Variants in PLD5 observed in about 807,000 individuals in gnomAD.
The protein encoded by PLD5 is phospholipase D family member 5, also known as inactive phospholipase D5.
PLD5 carries 36 observed loss-of-function variants against 61.1 expected under a neutral mutation model. The observed-to-expected ratio is 0.59, with a 90% CI of 0.45 to 0.78. The LOEUF is 0.78. Among genes scored for constraint, PLD5 ranks in the 30% least tolerant of loss-of-function variants. The pLI is 0.00. For missense variants in PLD5, 515 were observed against 644.4 expected, an observed-to-expected ratio of 0.80 and a Z score of 2.17; for synonymous variants, 243 against 242.8, an observed-to-expected ratio of 1.00 and a Z score of -0.01.
At chr1:242,487,467 G>T (rs952991451) in intron 1 of PLD5, among the ~76,000 whole-genome samples, 1 of 152,142 alleles carries the variant, frequency 6.6e-6, no homozygotes, top group African/African-American at 2.4e-5. Context: ...AGCAAATCTA[G>T]GTGACCTTGG....
At chr1:242,426,108 CG>C (rs966815009) in intron 1 of PLD5, among the ~76,000 whole-genome samples, 9 of 151,894 alleles carry the variant, frequency 5.9e-5, no homozygotes, top group African/African-American at 2.2e-4. Context: ...ACATTTTAAA[CG>C]TTTTTGTTAA....
rs986872539 is a variant in PLD5 at position 242,368,898 on chromosome 1, C to T, written c.190-20656G>A. ...CTTTTTGTTAGAAAGGAAGTTCTGC[C>T]GAGGACTCTTTTGCCCTCACTATCT... On this transcript the variant is annotated intron_variant, in intron 1 of 9. Transcript: ENST00000536534. 1.1e-4 allele frequency among the ~76,000 whole-genome samples: 17 copies of T among 152,248 alleles called. 1 individual carries two copies. The highest frequency in any genetic ancestry group is 3.8e-4 in the African/African-American group (16 of 41,568).
intron 3 of PLD5, among the ~76,000 whole-genome samples, chr1:242,268,935 T>G (rs1408102879): frequency 6.6e-6 from 1 of 152,114 alleles, no homozygotes; most frequent in African/African-American, 2.4e-5. Flanking sequence ...CTCTGCCTCC[T>G]GGGTTCAAGT....
intron 1 of PLD5, among the ~76,000 whole-genome samples, chr1:242,518,090 G>C (rs1669163620): frequency 6.6e-6 from 1 of 152,132 alleles, no homozygotes; most frequent in East Asian, 1.9e-4. Flanking sequence ...TGATGCCCAG[G>C]CAGGTAGTTC....
intron 1 of PLD5, among the ~76,000 whole-genome samples, chr1:242,503,912 T>A (rs1668638663): frequency 6.6e-6 from 1 of 152,202 alleles, no homozygotes; most frequent in South Asian, 2.1e-4. Context: ...GCTGCTGAAT[T>A]AACAACTCTT....
intron 5 of PLD5, among the ~76,000 whole-genome samples, chr1:242,156,572 G>A (rs928196777): frequency 3.3e-5 from 5 of 152,074 alleles, no homozygotes; most frequent in Admixed American, 6.5e-5. Flanking sequence ...CTCAGCATTT[G>A]CTTGTCTGTA....
rs367561591 is a variant in PLD5, at chr1:242,256,581, A to G, written c.607+8756T>C. ...GTTTGTTCCCTCTGGGGGATGCAGTAACAAGGCGCCATCTTGGAAGCACAG... is the reference window on the plus strand; with the variant it reads ...GTTTGTTCCCTCTGGGGGATGCAGTGACAAGGCGCCATCTTGGAAGCACAG... On this transcript the variant is annotated intron_variant, in intron 4 of 9. Transcript: ENST00000536534. The surrounding 1 kb of genome is among the most constrained non-coding windows in gnomAD (Gnocchi z 5.7). 1.3e-5 allele frequency among the ~76,000 whole-genome samples: 2 copies of G among 152,182 alleles called. No homozygotes were observed. The highest frequency in any genetic ancestry group is 1.9e-4 in the East Asian group (1 of 5,184).
At position 242,410,430 on chromosome 1, in the gene PLD5, T is replaced by C. The variant is rs184335970; in HGVS notation, c.190-62188A>G. ...AATGCCATTTTTTTTTTCCAATCTC[T>C]AGAGATACTGCTTTGAACTTACTCC... On this transcript the variant is annotated intron_variant, in intron 1 of 9. Coordinates refer to ENST00000536534, the MANE Select transcript of PLD5 (RefSeq NM_001372062.1). Among the ~76,000 whole-genome samples the C allele has an allele frequency of 4.3e-3, 652 of 152,112 alleles. 4 individuals carry two copies. The highest frequency in any genetic ancestry group is 0.014 in the African/African-American group (598 of 41,480).
chr1:242,370,247 G>T (rs1661558952), intron 1 of PLD5, among the ~76,000 whole-genome samples: 1 of 152,176 alleles, frequency 6.6e-6, no homozygotes, highest in South Asian at 2.1e-4. Context: ...CTTTCTACAT[G>T]CAGCCACTGG....
chr1:242,223,568 G>A (rs1052330255), intron 4 of PLD5, among the ~76,000 whole-genome samples: 1 of 152,160 alleles, frequency 6.6e-6, no homozygotes, highest in South Asian at 2.1e-4. Context: ...CCCATTTATT[G>A]AATACCTGTG....
At chr1:242,121,691 C>T (rs989746522) in intron 6 of PLD5, among the ~76,000 whole-genome samples, 15 of 151,966 alleles carry the variant, frequency 9.9e-5, no homozygotes, top group Admixed American at 9.2e-4. Context: ...GGAACCAACC[C>T]AAATGTCCAT....
chr1:242,342,223 T>C (rs1345012010), intron 2 of PLD5, among the ~76,000 whole-genome samples: 1 of 152,200 alleles, frequency 6.6e-6, no homozygotes, highest in Admixed American at 6.5e-5. Flanking sequence ...CTAGTGAGTG[T>C]CTAATAGTGT....
chr1:242,524,746 C>G (rs1472590030), upstream of PLD5: 1 of 47,658 alleles, frequency 2.1e-5, no homozygotes, highest in South Asian at 6.5e-4. Flanking sequence ...GGGTGGGGTG[C>G]GGTGGGAGGG....
At chr1:242,142,374 C>T (rs368616852) in intron 5 of PLD5, among the ~76,000 whole-genome samples, 2 of 152,208 alleles carry the variant, frequency 1.3e-5, no homozygotes, top group East Asian at 1.9e-4. Context: ...TGAACCTTCT[C>T]AAATAGTCTA....
intron 4 of PLD5, among the ~76,000 whole-genome samples, chr1:242,251,348 G>A (rs1672689686): frequency 1.3e-5 from 2 of 152,322 alleles, no homozygotes; most frequent in South Asian, 4.1e-4. Flanking sequence ...ATTGGCAAAA[G>A]AGACTGAGAA....
intron 1 of PLD5, among the ~76,000 whole-genome samples, chr1:242,487,534 T>C (rs1483191171): frequency 1.3e-5 from 2 of 152,180 alleles, no homozygotes; most frequent in Non-Finnish European, 2.9e-5. Flanking sequence ...AAAGAAGTAA[T>C]TGATAACTTA....
intron 1 of PLD5, among the ~76,000 whole-genome samples, chr1:242,457,614 G>T (rs1666982635): frequency 6.6e-6 from 1 of 152,130 alleles, no homozygotes; most frequent in Non-Finnish European, 1.5e-5. Flanking sequence ...ACAAGACAGA[G>T]AAATTTGCTG....
intron 1 of PLD5, among the ~76,000 whole-genome samples, chr1:242,452,375 G>T (rs1666813225): frequency 6.6e-6 from 1 of 152,078 alleles, no homozygotes; most frequent in African/African-American, 2.4e-5. Context: ...GCTTGATCTT[G>T]TCAGAACACA....
chr1:242,425,703 C>T (rs552721695), intron 1 of PLD5, among the ~76,000 whole-genome samples: 14 of 141,192 alleles, frequency 9.9e-5, no homozygotes, highest in Admixed American at 5.4e-4. Context: ...AGTGCAGTGG[C>T]GCAATCTCAG....
Sources: allele counts gnomAD v4.1 joint callset (sites outside exome capture counted in the v4.1 genomes callset), GRCh38; gene constraint gnomAD v4.1.1; non-coding constraint Gnocchi (gnomAD v3.1); transcripts MANE v1.5; gene names NCBI Gene and HGNC (gene_info 2026-07-23, HGNC 2026-07-21).